The following AOAH variants were observed in gnomAD, a reference collection of about 807,000 sequenced individuals.
AOAH encodes acyloxyacyl hydrolase (neutrophil).
A neutral mutation model predicts 92.2 loss-of-function variants in AOAH; 64 were observed. The observed-to-expected ratio is 0.69, with a 90% CI of 0.57 to 0.86. AOAH has a LOEUF of 0.86. Among genes scored for constraint, AOAH ranks in the 40% least tolerant of loss-of-function variants. The probability of loss-of-function intolerance (pLI) is 0.00; values close to 1 mark genes in which losing one functional copy is unlikely to be tolerated. For missense variants in AOAH, 656 were observed against 694.6 expected (o/e 0.94, Z 0.62); for synonymous variants, 263 against 254.5 (o/e 1.03, Z -0.32).
At chr7:36,610,873 T>C (rs998963792) in intron 11 of AOAH, among the ~76,000 whole-genome samples, 2 of 151,922 alleles carry the variant, frequency 1.3e-5, no homozygotes, top group African/African-American at 4.8e-5. Flanking sequence ...CCAAGAAAAA[T>C]GAGAGACACA....
chr7:36,682,176 G>C (rs1186741451), intron 2 of AOAH, among the ~76,000 whole-genome samples: 1 of 152,220 alleles, frequency 6.6e-6, no homozygotes, highest in Non-Finnish European at 1.5e-5. Flanking sequence ...ACCCACAAGG[G>C]ACCCACTGGA....
chr7:36,680,194 T>G (rs1796556868), intron 2 of AOAH, among the ~76,000 whole-genome samples: 1 of 152,144 alleles, frequency 6.6e-6, no homozygotes, highest in Non-Finnish European at 1.5e-5. Context: ...CATTTTCCAT[T>G]AACAATTCCG....
At chr7:36,679,227 A>C (rs1019345964) in intron 2 of AOAH, among the ~76,000 whole-genome samples, 4 of 152,058 alleles carry the variant, frequency 2.6e-5, no homozygotes, top group Non-Finnish European at 5.9e-5. Flanking sequence ...AGGAATCACC[A>C]CACTGTCTTC....
chr7:36,601,783 A>T (rs1790626846), intron 11 of AOAH, among the ~76,000 whole-genome samples: 6 of 152,194 alleles, frequency 3.9e-5, no homozygotes, highest in Admixed American at 2.6e-4. Context: ...CTAACGTGTG[A>T]GTCCTGGAAG....
chr7:36,637,835 C>T lies in AOAH; in HGVS notation c.450+16G>A, dbSNP rs760327718. 2.0e-5 allele frequency: 32 copies of T among 1,612,770 alleles called. No individual in the cohort carries two copies. Among genetic ancestry groups the T allele is most frequent in the Middle Eastern group, 1.6e-4 (1 of 6,082 alleles). On this transcript the variant is annotated intron_variant, in intron 5 of 20. Coordinates refer to ENST00000617537, the MANE Select transcript of AOAH (RefSeq NM_001637.4). ...TGCCAAGGAAAAGGCTGGCGTTCTA[C>T]GTGCTTAGTGCTTACCAGAATCGGG...
chr7:36,589,512 T>C (rs904709795), intron 12 of AOAH, among the ~76,000 whole-genome samples: 3 of 152,180 alleles, frequency 2.0e-5, no homozygotes, highest in African/African-American at 7.2e-5. Flanking sequence ...CAGGAGCATC[T>C]CTCTTGAACA....
chr7:36,549,409 A>G, intron 14 of AOAH, 30 bp downstream of exon 14: 1 of 1,559,530 alleles, frequency 6.4e-7, no homozygotes, highest in Non-Finnish European at 8.8e-7. Flanking sequence ...GAGAAACCAA[A>G]TTAAAAACAA....
intron 1 of AOAH, among the ~76,000 whole-genome samples, chr7:36,714,727 C>T (rs1233371667): frequency 6.6e-6 from 1 of 152,094 alleles, no homozygotes; most frequent in Non-Finnish European, 1.5e-5. Flanking sequence ...TGACAAAAAC[C>T]ACATGATTAT....
At chr7:36,662,496 G>A (rs139052143) in intron 3 of AOAH, among the ~76,000 whole-genome samples, 2 of 152,316 alleles carry the variant, frequency 1.3e-5, no homozygotes, top group East Asian at 3.9e-4. Context: ...TCAGTAAATC[G>A]AGAGGGTGGC....
chr7:36,603,450 G>A (rs1388336988), intron 11 of AOAH, among the ~76,000 whole-genome samples: 3 of 152,146 alleles, frequency 2.0e-5, no homozygotes, highest in Admixed American at 1.3e-4. Context: ...GCCTGCCCCG[G>A]CCTTTCTCTC....
chr7:36,712,075 G>C (rs1360450275), intron 1 of AOAH, among the ~76,000 whole-genome samples: 1 of 152,214 alleles, frequency 6.6e-6, no homozygotes, highest in Non-Finnish European at 1.5e-5. Context: ...TTTAGTTATA[G>C]AGAAATAGAA....
At position 36,686,731 on chromosome 7, in the gene AOAH, G is replaced by T; in HGVS notation, c.191C>A (p.Ala64Asp). 1 of 1,572,280 alleles carries T rather than the reference G, an allele frequency of 6.4e-7. No homozygotes were observed. The change falls in exon 2 of 21, where the codon GCC (alanine) becomes GAC (aspartate). Residue 64 changes from alanine (A) to aspartate (D), a missense_variant. Coordinates refer to ENST00000617537, the MANE Select transcript of AOAH (RefSeq NM_001637.4). The stretch of plus-strand genomic sequence containing the variant: ...GTAGCTGCACAGTCTCTCCATCGAG[G>T]CCTGGACCGTCGAGTTGTGAACTTG... The part of the protein sequence containing the change: ...LAQVHNSTVQ[A>D]SMERLCSYLP...
intron 2 of AOAH, among the ~76,000 whole-genome samples, chr7:36,685,709 T>C (rs921933868): frequency 6.6e-6 from 1 of 152,152 alleles, no homozygotes; most frequent in Non-Finnish European, 1.5e-5. Flanking sequence ...AAAGCTGAAG[T>C]TTAGCTGCCA....
intron 1 of AOAH, among the ~76,000 whole-genome samples, chr7:36,697,878 T>C (rs1387909061): frequency 6.6e-6 from 1 of 151,590 alleles, no homozygotes; most frequent in Non-Finnish European, 1.5e-5. Context: ...AGAGGGAAAA[T>C]GGCCAGGGGA....
At position 36,616,474 on chromosome 7, in the gene AOAH, C is replaced by T. The variant is rs372013469; in HGVS notation, c.752G>A (p.Gly251Asp). The T allele has an allele frequency of 4.3e-6, 7 of 1,613,372 alleles. No individual in the cohort carries two copies. The African/African-American group carries it at 9.3e-5, about 22-fold the overall frequency. Residue 251 changes from glycine (G) to aspartate (D), a missense_variant and splice_region_variant, in exon 11 of 21, where the codon GGT becomes GAT. Coordinates refer to ENST00000617537, the MANE Select transcript of AOAH (RefSeq NM_001637.4). ...GVPYEKKFCE[G>D]SQPRGIILLG... ...CAAAATGATTCCCCTGGGCTGTGAA[C>T]CTAGGCAGCACAATTTATTCACATT... is the stretch of plus-strand genomic sequence containing the variant.
chr7:36,564,791 G>T (rs548720874), intron 13 of AOAH, among the ~76,000 whole-genome samples: 1 of 152,152 alleles, frequency 6.6e-6, no homozygotes, highest in East Asian at 1.9e-4. Flanking sequence ...CATCAAAAGC[G>T]CACACTCTTC....
rs1791747007 is a variant in AOAH at position 36,614,916 on chromosome 7, C to T, written c.846+1464G>A. Among the ~76,000 whole-genome samples the T allele has an allele frequency of 6.6e-6, 1 of 152,160 alleles. No individual in the cohort carries two copies. The highest frequency in any genetic ancestry group is 1.5e-5 in the Non-Finnish European group (1 of 68,022). On this transcript the variant is annotated intron_variant, in intron 11 of 20. Coordinates refer to ENST00000617537, the MANE Select transcript of AOAH (RefSeq NM_001637.4). This position sits in a 1 kb window ranked among gnomAD's most constrained non-coding sequence, Gnocchi z 4.2. ...GAGAGATTCCTGGCTTACCTGGGGACCCATGGAACACTGGCAGGAGGAGGA... is the reference window on the plus strand; with the variant it reads ...GAGAGATTCCTGGCTTACCTGGGGATCCATGGAACACTGGCAGGAGGAGGA...
At chr7:36,605,733 G>A (rs1021511465) in intron 11 of AOAH, among the ~76,000 whole-genome samples, 6 of 152,208 alleles carry the variant, frequency 3.9e-5, no homozygotes, top group Non-Finnish European at 7.4e-5. Context: ...TGGCTGGCAG[G>A]TGAGAGACGC....
intron 13 of AOAH, among the ~76,000 whole-genome samples, chr7:36,558,708 G>C (rs1284229849): frequency 6.6e-6 from 1 of 152,242 alleles, no homozygotes; most frequent in African/African-American, 2.4e-5. Context: ...CCTCGCTGCT[G>C]CCTTGCAGTT....
Sources: gnomAD v4.1 joint callset for allele counts (sites outside exome capture counted in the v4.1 genomes callset) on GRCh38, gnomAD v4.1.1 for gene constraint, Gnocchi (gnomAD v3.1) non-coding constraint, MANE v1.5 for transcripts, NCBI Gene and HGNC (gene_info 2026-07-23, HGNC 2026-07-21) for gene names.